CSMD1: variants seen among roughly 807,000 people sequenced by gnomAD.
CSMD1 encodes CUB and Sushi multiple domains 1, also known as CUB and sushi domain-containing protein 1.
CSMD1 carries 213 observed loss-of-function variants against 417.5 expected under a neutral mutation model. That is an observed-to-expected ratio of 0.51 (90% CI 0.46 to 0.57). The LOEUF is 0.57. Among genes scored for constraint, CSMD1 ranks in the 20% least tolerant of loss-of-function variants. CSMD1 has a pLI of 0.00. For missense variants in CSMD1, 6,923 were observed against 4,529.7 expected, an observed-to-expected ratio of 1.53 and a Z score of -15.17; for synonymous variants, 2,862 against 1,736.8, an observed-to-expected ratio of 1.65 and a Z score of -16.11.
intron 10 of CSMD1, among the ~76,000 whole-genome samples, chr8:3,556,284 C>CT (rs2116818694): frequency 6.6e-6 from 1 of 151,022 alleles, no homozygotes; most frequent in African/African-American, 2.4e-5. Flanking sequence ...TCCCTACAAC[C>CT]CCCACTACCC....
intron 3 of CSMD1, among the ~76,000 whole-genome samples, chr8:4,203,682 T>C (rs1714708): frequency 0.74 from 111,859 of 151,934 alleles, 42,909 homozygotes; most frequent in Non-Finnish European, 0.84. Context: ...CATTTGTAAG[T>C]AGGGATCACA....
intron 3 of CSMD1, among the ~76,000 whole-genome samples, chr8:4,121,332 C>G (rs1384151580): frequency 6.6e-6 from 1 of 152,068 alleles, no homozygotes; most frequent in Non-Finnish European, 1.5e-5. Flanking sequence ...CCAGGCTGGT[C>G]TCAAACTCCT....
intron 6 of CSMD1, among the ~76,000 whole-genome samples, chr8:3,714,659 C>T (rs1801726413): frequency 6.6e-6 from 1 of 151,190 alleles, no homozygotes; most frequent in African/African-American, 2.4e-5. Flanking sequence ...ATTGCTTGAA[C>T]CCCGGAGGCA....
chr8:3,225,533 G>C (rs959668895), intron 27 of CSMD1, among the ~76,000 whole-genome samples: 3 of 152,122 alleles, frequency 2.0e-5, no homozygotes, highest in African/African-American at 4.8e-5. Context: ...AGCGGGAGCT[G>C]ATGCAGAGAA....
chr8:4,858,147 G>C (rs1358719602), intron 1 of CSMD1, among the ~76,000 whole-genome samples: 2 of 149,948 alleles, frequency 1.3e-5, no homozygotes, highest in Non-Finnish European at 3.0e-5. Context: ...CATATAAACA[G>C]AGCCAAAGAC....
intron 8 of CSMD1, among the ~76,000 whole-genome samples, chr8:3,592,181 C>T (rs1381279501): frequency 6.6e-6 from 1 of 151,868 alleles, no homozygotes; most frequent in African/African-American, 2.4e-5. Context: ...GATAGATTGA[C>T]AGATGACAGA....
chr8:4,367,972 A>T (rs949885789), intron 3 of CSMD1, among the ~76,000 whole-genome samples: 6 of 152,076 alleles, frequency 3.9e-5, no homozygotes, highest in African/African-American at 1.4e-4. Context: ...GGGGTGTTCT[A>T]GGTATAGAGT....
intron 3 of CSMD1, among the ~76,000 whole-genome samples, chr8:4,179,442 G>C (rs977543637): frequency 6.6e-6 from 1 of 151,870 alleles, no homozygotes; most frequent in African/African-American, 2.4e-5. Context: ...ATGGATTAAA[G>C]ACTTAAACGT....
intron 49 of CSMD1, 39 bp from the exon 50 acceptor site, chr8:3,052,686 G>A (rs371631616): frequency 5.0e-6 from 7 of 1,410,954 alleles, no homozygotes; most frequent in South Asian, 1.5e-5. Flanking sequence ...TATTCTTACA[G>A]AAATTATTTT....
At chr8:3,843,551 G>C (rs753289320) in intron 5 of CSMD1, among the ~76,000 whole-genome samples, 11 of 151,950 alleles carry the variant, frequency 7.2e-5, no homozygotes, top group Non-Finnish European at 1.5e-4. Flanking sequence ...AAAAAAACAA[G>C]TTATTCACGA....
intron 2 of CSMD1, among the ~76,000 whole-genome samples, chr8:4,620,453 C>T (rs556017763): frequency 1.4e-4 from 21 of 151,648 alleles, no homozygotes; most frequent in African/African-American, 4.1e-4. Flanking sequence ...TCATAGATAA[C>T]GCTTTCTTCT....
At chr8:3,653,091 G>A (rs1218299119) in intron 7 of CSMD1, among the ~76,000 whole-genome samples, 1 of 152,080 alleles carries the variant, frequency 6.6e-6, no homozygotes, top group African/African-American at 2.4e-5. Flanking sequence ...TCAACGTCAT[G>A]CTTCCAGCCT....
chr8:3,277,191 T>G (rs1802359188), intron 26 of CSMD1, among the ~76,000 whole-genome samples: 1 of 152,044 alleles, frequency 6.6e-6, no homozygotes, highest in African/African-American at 2.4e-5. Flanking sequence ...TGAAAATTGC[T>G]TAGGGGAAGT....
Position 4,917,685 on chromosome 8 carries a change from T to A in CSMD1, c.85+76647A>T, listed in dbSNP as rs184810209. ...TAAAAAATAAAATAAGAGATTTGGA[T>A]GGGGGCATAGAGACAAACCGTATCA... On this transcript the variant is annotated intron_variant, in intron 1 of 69. Coordinates refer to ENST00000635120, the MANE Select transcript of CSMD1 (RefSeq NM_033225.6). 1.1e-3 allele frequency among the ~76,000 whole-genome samples: 165 copies of A among 152,204 alleles called. 1 individual carries two copies. The highest frequency in any genetic ancestry group is 3.6e-3 in the African/African-American group (151 of 41,530).
chr8:4,921,055 G>T (rs991349367), intron 1 of CSMD1, among the ~76,000 whole-genome samples: 1 of 115,730 alleles, frequency 8.6e-6, no homozygotes, highest in African/African-American at 3.3e-5. Flanking sequence ...AAAGAAAAGA[G>T]AAAGAAAAGA....
At chr8:3,972,257 C>T (rs569574461) in intron 5 of CSMD1, among the ~76,000 whole-genome samples, 2 of 152,160 alleles carry the variant, frequency 1.3e-5, no homozygotes, top group East Asian at 1.9e-4. Flanking sequence ...TAGTATTGAC[C>T]TTGTGTTCAT....
intron 3 of CSMD1, among the ~76,000 whole-genome samples, chr8:4,302,027 T>C (rs183911905): frequency 4.3e-4 from 65 of 152,356 alleles, no homozygotes; most frequent in African/African-American, 1.3e-3. Context: ...TTGGTACAAA[T>C]ATTTTTTGAA....
intron 3 of CSMD1, among the ~76,000 whole-genome samples, chr8:4,181,487 C>G (rs966566143): frequency 6.6e-6 from 1 of 151,976 alleles, no homozygotes; most frequent in Non-Finnish European, 1.5e-5. Context: ...CTAACGATAA[C>G]TGATGAGCTT....
At chr8:2,989,121 A>G (rs1806169782) in intron 54 of CSMD1, among the ~76,000 whole-genome samples, 1 of 152,236 alleles carries the variant, frequency 6.6e-6, no homozygotes, top group African/African-American at 2.4e-5. Context: ...AGAATATTTT[A>G]AAAAGCACAC....
Sources: gnomAD v4.1 joint callset for allele counts (sites outside exome capture counted in the v4.1 genomes callset) on GRCh38, gnomAD v4.1.1 for gene constraint, MANE v1.5 for transcripts, NCBI Gene and HGNC (gene_info 2026-07-23, HGNC 2026-07-21) for gene names.